SH3RF3: variants seen among roughly 807,000 people sequenced by gnomAD.
The protein encoded by SH3RF3 is E3 ubiquitin-protein ligase SH3RF3.
A neutral mutation model predicts 66.3 loss-of-function variants in SH3RF3; 29 were observed. The ratio of observed to expected loss-of-function variants is 0.44; its 90% CI spans 0.33 to 0.60. SH3RF3 has a LOEUF of 0.60. SH3RF3 is among the 20% of genes least tolerant of loss of function. The probability of loss-of-function intolerance (pLI) is 0.04; values close to 1 mark genes in which losing one functional copy is unlikely to be tolerated. For synonymous variants in SH3RF3, 583 were observed against 532.0 expected (o/e 1.10, Z -1.32); for missense variants, 1,194 against 1,190.9 (o/e 1.00, Z -0.04).
At chr2:109,375,582 G>A (rs891386109) in intron 3 of SH3RF3, among the ~76,000 whole-genome samples, 9 of 152,258 alleles carry the variant, frequency 5.9e-5, no homozygotes, top group Admixed American at 5.9e-4. Context: ...GAAGGCGCTT[G>A]TTCTAAGGGG....
chr2:109,467,349 C>T (rs369128628), intron 8 of SH3RF3, among the ~76,000 whole-genome samples: 6 of 152,208 alleles, frequency 3.9e-5, no homozygotes, highest in African/African-American at 7.2e-5. Context: ...GGAAGGGAAG[C>T]GCAAAATCGG....
chr2:109,423,647 T>A (rs1395188420), intron 5 of SH3RF3, among the ~76,000 whole-genome samples: 1 of 152,146 alleles, frequency 6.6e-6, no homozygotes, highest in Non-Finnish European at 1.5e-5. Context: ...ATCAGCGAAA[T>A]CACCGGGTAC....
chr2:109,343,564 G>A (rs1043393643), intron 1 of SH3RF3, among the ~76,000 whole-genome samples: 16 of 152,114 alleles, frequency 1.1e-4, no homozygotes, highest in African/African-American at 3.9e-4. Flanking sequence ...AAGGCAAACA[G>A]GCCCCACCTG....
At chr2:109,485,033 T>C (rs1028808432) in intron 8 of SH3RF3, among the ~76,000 whole-genome samples, 3 of 152,240 alleles carry the variant, frequency 2.0e-5, no homozygotes, top group Non-Finnish European at 2.9e-5. Context: ...ACGTAACCCA[T>C]CAGCGTGTGC....
intron 1 of SH3RF3, among the ~76,000 whole-genome samples, chr2:109,261,795 G>T (rs185723967): frequency 2.0e-4 from 31 of 152,256 alleles, no homozygotes; most frequent in Admixed American, 1.2e-3. Context: ...TGGGAGGTGG[G>T]TCACCCTACT....
chr2:109,416,220 C>T (rs1268442590), intron 4 of SH3RF3, among the ~76,000 whole-genome samples: 1 of 152,134 alleles, frequency 6.6e-6, no homozygotes, highest in East Asian at 1.9e-4. Flanking sequence ...CGAAGCCCTC[C>T]CAGCCACGCC....
At chr2:109,442,366 T>C (rs1004180292) in intron 7 of SH3RF3, among the ~76,000 whole-genome samples, 10 of 150,946 alleles carry the variant, frequency 6.6e-5, no homozygotes, top group Non-Finnish European at 1.3e-4. Flanking sequence ...AATGAAATTA[T>C]TTAGAAAGAA....
At chr2:109,301,119 A>G (rs1681456282) in intron 1 of SH3RF3, among the ~76,000 whole-genome samples, 1 of 152,224 alleles carries the variant, frequency 6.6e-6, no homozygotes, top group Non-Finnish European at 1.5e-5. Context: ...TACTGTGGGA[A>G]TAGAAGGCCA....
intron 1 of SH3RF3, among the ~76,000 whole-genome samples, chr2:109,208,954 T>C (rs1258994476): frequency 6.6e-6 from 1 of 152,224 alleles, no homozygotes; most frequent in Non-Finnish European, 1.5e-5. Context: ...CAGAGGTGTC[T>C]TTGGCCATGG....
intron 8 of SH3RF3, among the ~76,000 whole-genome samples, chr2:109,486,644 G>A (rs544520170): frequency 1.3e-5 from 2 of 152,332 alleles, no homozygotes; most frequent in South Asian, 4.1e-4. Flanking sequence ...ACAAAACGCA[G>A]GTGGTGGGGA....
At chr2:109,142,733 G>T (rs560923791) in intron 1 of SH3RF3, among the ~76,000 whole-genome samples, 2 of 152,290 alleles carry the variant, frequency 1.3e-5, no homozygotes, top group East Asian at 3.9e-4. Context: ...TCTGATCGTT[G>T]GTGTCCTCTG....
chr2:109,393,961 C>T (rs986734829), intron 3 of SH3RF3, among the ~76,000 whole-genome samples: 35 of 152,166 alleles, frequency 2.3e-4, no homozygotes, highest in East Asian at 1.9e-4. Context: ...GTGGACCCAG[C>T]GCTGAAATTC....
intron 1 of SH3RF3, among the ~76,000 whole-genome samples, chr2:109,212,846 T>A (rs1248015771): frequency 6.6e-6 from 1 of 150,726 alleles, no homozygotes; most frequent in Non-Finnish European, 1.5e-5. Context: ...GTAGGTGCCA[T>A]ACCAGGCTGG....
intron 1 of SH3RF3, among the ~76,000 whole-genome samples, chr2:109,194,489 CAGGT>C (rs1435990073): frequency 4.6e-5 from 7 of 152,226 alleles, no homozygotes; most frequent in Admixed American, 1.3e-4. Flanking sequence ...AGTCCTCTGA[CAGGT>C]GGGTGGTGCG....
At chr2:109,210,548 C>A (rs1012063920) in intron 1 of SH3RF3, among the ~76,000 whole-genome samples, 2 of 152,156 alleles carry the variant, frequency 1.3e-5, no homozygotes, top group Admixed American at 6.5e-5. Context: ...CTGGGGCTTT[C>A]AAGAGCTCAG....
chr2:109,420,103 C>A (rs2104522098), intron 5 of SH3RF3, among the ~76,000 whole-genome samples: 1 of 152,352 alleles, frequency 6.6e-6, no homozygotes, highest in Middle Eastern at 3.4e-3. Context: ...ATGCCAGCTG[C>A]ATCTCATCCC....
At chr2:109,426,336 A>G (rs1243787907) in intron 5 of SH3RF3, among the ~76,000 whole-genome samples, 2 of 152,238 alleles carry the variant, frequency 1.3e-5, no homozygotes, top group African/African-American at 4.8e-5. Context: ...TTTGTGATTC[A>G]TGGGAGGAGG....
intron 8 of SH3RF3, among the ~76,000 whole-genome samples, chr2:109,452,775 CAGGAGGCTGGTCCCT>C (rs1426663155): frequency 2.6e-5 from 4 of 151,276 alleles, no homozygotes; most frequent in Admixed American, 2.6e-4. Context: ...AGGCTGGTCC[CAGGAGGCTGGTCCCT>C]GGGAGGCTGG....
intron 8 of SH3RF3, among the ~76,000 whole-genome samples, chr2:109,481,585 A>G (rs1678835413): frequency 6.6e-6 from 1 of 152,136 alleles, no homozygotes; most frequent in Admixed American, 6.5e-5. Context: ...CCTCTTGAGC[A>G]AATAGCTAAA....
Sources: gnomAD v4.1 joint callset for allele counts (sites outside exome capture counted in the v4.1 genomes callset) on GRCh38, gnomAD v4.1.1 for gene constraint, MANE v1.5 for transcripts, NCBI Gene and HGNC (gene_info 2026-07-23, HGNC 2026-07-21) for gene names.